Variants in KCNB2 observed in about 807,000 individuals in gnomAD.
KCNB2 encodes the protein delayed rectifier potassium channel protein.
Under a neutral mutation model 61.5 loss-of-function variants are expected in KCNB2, and 15 were observed. The observed-to-expected ratio is 0.24, with a 90% CI of 0.16 to 0.38. The LOEUF is 0.38. Ranked by LOEUF, KCNB2 falls within the 10% of genes least tolerant of loss-of-function variation. The pLI, the probability that KCNB2 is intolerant of heterozygous loss-of-function variation, is 1.00. For synonymous variants in KCNB2, 457 were observed against 446.0 expected, an observed-to-expected ratio of 1.02 and a Z score of -0.31; for missense variants, 828 against 1,125.2, an observed-to-expected ratio of 0.74 and a Z score of 3.78.
intron 2 of KCNB2, among the ~76,000 whole-genome samples, chr8:72,675,700 C>T (rs1302555377): frequency 1.3e-5 from 2 of 151,914 alleles, no homozygotes; most frequent in Non-Finnish European, 2.9e-5. Context: ...ATTACAGGCA[C>T]GAACCTCCAC....
intron 2 of KCNB2, among the ~76,000 whole-genome samples, chr8:72,894,544 A>T (rs1805955737): frequency 6.6e-6 from 1 of 152,220 alleles, no homozygotes; most frequent in Non-Finnish European, 1.5e-5. Context: ...TGATTACATT[A>T]GATTGCATGA....
intron 1 of KCNB2, among the ~76,000 whole-genome samples, chr8:72,553,143 G>A (rs1186761461): frequency 6.6e-6 from 1 of 152,012 alleles, no homozygotes; most frequent in Non-Finnish European, 1.5e-5. Context: ...AATGATGATA[G>A]CTCTTGGCTT....
intron 2 of KCNB2, among the ~76,000 whole-genome samples, chr8:72,776,877 C>G (rs188109019): frequency 1.3e-5 from 2 of 152,226 alleles, no homozygotes; most frequent in Non-Finnish European, 2.9e-5. Context: ...AAGCTCTCCA[C>G]CTTTGATTGG....
At chr8:72,638,661 A>G (rs760563740) in intron 2 of KCNB2, among the ~76,000 whole-genome samples, 13 of 152,094 alleles carry the variant, frequency 8.5e-5, no homozygotes, top group Non-Finnish European at 1.8e-4. Context: ...TCCCCAAACC[A>G]CTATGAAATC....
intron 2 of KCNB2, among the ~76,000 whole-genome samples, chr8:72,584,683 A>G (rs1409891659): frequency 1.3e-5 from 2 of 152,174 alleles, no homozygotes; most frequent in Admixed American, 1.3e-4. Context: ...ATATCTTTGT[A>G]ATTTTGATTT....
At chr8:72,774,625 A>T (rs1055149289) in intron 2 of KCNB2, among the ~76,000 whole-genome samples, 5 of 152,212 alleles carry the variant, frequency 3.3e-5, no homozygotes, top group Admixed American at 2.6e-4. Context: ...CTGGGATTAC[A>T]GGCATGAACC....
intron 2 of KCNB2, among the ~76,000 whole-genome samples, chr8:72,807,285 A>G (rs944201515): frequency 7.9e-5 from 12 of 152,236 alleles, no homozygotes; most frequent in Admixed American, 4.6e-4. Flanking sequence ...TGAGATGAGC[A>G]TATGAACCAT....
intron 2 of KCNB2, among the ~76,000 whole-genome samples, chr8:72,700,104 C>T (rs1312673029): frequency 6.6e-6 from 1 of 152,066 alleles, no homozygotes; most frequent in Non-Finnish European, 1.5e-5. Flanking sequence ...AACAGAAAAC[C>T]AAACACCACA....
rs1257391880 is a variant in KCNB2 at position 72,627,511 on chromosome 8, ATACAT to A, written c.579+59201_579+59205del. ...TTGGAAATTGTCCCAACACATTTTG[ATACAT>A]TAGAGAACAATTTGAGCATAATGAA... On this transcript the variant is annotated intron_variant, in intron 2 of 2. Coordinates refer to ENST00000523207, the MANE Select transcript of KCNB2 (RefSeq NM_004770.3). Among the ~76,000 whole-genome samples the A allele has an allele frequency of 1.2e-4, 18 of 152,342 alleles. No homozygotes were observed. In the East Asian group the frequency reaches 3.5e-3, roughly 29 times the overall value.
At chr8:72,666,771 G>A (rs1806480909) in intron 2 of KCNB2, among the ~76,000 whole-genome samples, 1 of 150,974 alleles carries the variant, frequency 6.6e-6, no homozygotes, top group African/African-American at 2.4e-5. Flanking sequence ...TCCTGCCTCA[G>A]CCTCCTGAAA....
intron 2 of KCNB2, among the ~76,000 whole-genome samples, chr8:72,928,831 G>T (rs1484009000): frequency 6.6e-6 from 1 of 151,126 alleles, no homozygotes; most frequent in Non-Finnish European, 1.5e-5. Context: ...AGGAAAAAAA[G>T]ATTCAATTGT....
intron 2 of KCNB2, among the ~76,000 whole-genome samples, chr8:72,725,525 A>ATATATATATGTG (rs1807620014): frequency 1.9e-5 from 1 of 54,042 alleles, no homozygotes; most frequent in African/African-American, 1.1e-4. Context: ...ATATATATAT[A>ATATATATATGTG]TATATATATA....
intron 2 of KCNB2, among the ~76,000 whole-genome samples, chr8:72,914,187 C>T (rs1225374895): frequency 1.3e-5 from 2 of 152,100 alleles, no homozygotes; most frequent in Non-Finnish European, 2.9e-5. Flanking sequence ...TAAGGGTACT[C>T]ATCCCATTGA....
At chr8:72,909,389 G>A (rs1320761271) in intron 2 of KCNB2, among the ~76,000 whole-genome samples, 2 of 152,148 alleles carry the variant, frequency 1.3e-5, no homozygotes, top group Non-Finnish European at 2.9e-5. Context: ...TGAGAGGAAG[G>A]GAGAGGGATT....
At chr8:72,811,007 C>T (rs1809298229) in intron 2 of KCNB2, among the ~76,000 whole-genome samples, 1 of 152,176 alleles carries the variant, frequency 6.6e-6, no homozygotes, top group Non-Finnish European at 1.5e-5. Flanking sequence ...AGCATCACTT[C>T]ATGAAAAGAC....
chr8:72,916,411 G>A (rs1383350206), intron 2 of KCNB2, among the ~76,000 whole-genome samples: 2 of 152,130 alleles, frequency 1.3e-5, no homozygotes, highest in Non-Finnish European at 2.9e-5. Context: ...ACGGGACGGG[G>A]AGCACAGGTG....
chr8:72,721,413 A>G (rs762164338), intron 2 of KCNB2, among the ~76,000 whole-genome samples: 1 of 152,252 alleles, frequency 6.6e-6, no homozygotes, highest in Admixed American at 6.5e-5. Flanking sequence ...TATTCCAGCC[A>G]TATTCCCACT....
chr8:72,576,165 T>C (rs1191775356), intron 2 of KCNB2, among the ~76,000 whole-genome samples: 1 of 152,224 alleles, frequency 6.6e-6, no homozygotes, highest in Admixed American at 6.5e-5. Context: ...TAGTTATTTT[T>C]GTTTTGAGCA....
intron 2 of KCNB2, among the ~76,000 whole-genome samples, chr8:72,924,706 T>C (rs1015173110): frequency 6.6e-6 from 1 of 152,194 alleles, no homozygotes; most frequent in African/African-American, 2.4e-5. Context: ...ACAGAAGTGC[T>C]TGGGCCCATT....
Sources: gnomAD v4.1 joint callset for allele counts (sites outside exome capture counted in the v4.1 genomes callset) on GRCh38, gnomAD v4.1.1 for gene constraint, MANE v1.5 for transcripts, NCBI Gene and HGNC (gene_info 2026-07-23, HGNC 2026-07-21) for gene names.